The following CACNA1C variants were observed in gnomAD, a reference collection of about 807,000 sequenced individuals.
CACNA1C encodes calcium voltage-gated channel subunit alpha1 C, also known as voltage-dependent L-type calcium channel subunit alpha-1C.
CACNA1C carries 30 observed loss-of-function variants against 229.0 expected under a neutral mutation model. The ratio of observed to expected loss-of-function variants is 0.13; its 90% CI spans 0.10 to 0.18. The LOEUF is 0.18. Among genes scored for constraint, CACNA1C ranks in the 10% least tolerant of loss-of-function variants. The pLI, the probability that CACNA1C is intolerant of heterozygous loss-of-function variation, is 1.00. For synonymous variants in CACNA1C, 1,114 were observed against 1,132.5 expected, an observed-to-expected ratio of 0.98 and a Z score of 0.33; for missense variants, 1,658 against 2,845.0, an observed-to-expected ratio of 0.58 and a Z score of 9.49.
At chr12:2,251,725 T>C (rs1008073738) in intron 3 of CACNA1C, among the ~76,000 whole-genome samples, 16 of 152,350 alleles carry the variant, frequency 1.1e-4, no homozygotes, top group African/African-American at 3.8e-4. Flanking sequence ...CAGAAACAGC[T>C]GCCCTGCAGT....
chr12:2,585,313 C>A lies in CACNA1C; in HGVS notation c.2340-63C>A. ...CAACAGGCCACAGGGCGGTTCCCTC[C>A]TACACTGTTCCCTATCACTCCAGTA... is the stretch of plus-strand genomic sequence containing the variant. On this transcript the variant is annotated intron_variant, in intron 16 of 46. Coordinates refer to ENST00000399655, the MANE Select transcript of CACNA1C (RefSeq NM_000719.7). This position sits in a 1 kb window ranked among gnomAD's most constrained non-coding sequence, Gnocchi z 4.1. 2 of 1,564,966 alleles carry A rather than the reference C, an allele frequency of 1.3e-6. No individual in the cohort carries two copies. The highest frequency in any genetic ancestry group is 1.7e-4 in the Middle Eastern group (1 of 5,794).
chr12:2,495,244 C>T (rs543272830), intron 7 of CACNA1C, among the ~76,000 whole-genome samples: 44 of 152,210 alleles, frequency 2.9e-4, no homozygotes, highest in Non-Finnish European at 4.4e-4. Flanking sequence ...CCCAAGTGGA[C>T]CTAGCTGGTC....
chr12:2,642,833 C>CA (rs2093871763), intron 30 of CACNA1C, among the ~76,000 whole-genome samples: 1 of 152,158 alleles, frequency 6.6e-6, no homozygotes, highest in African/African-American at 2.4e-5. Context: ...CTGTCCTTCC[C>CA]AGGGGAAGAT....
intron 5 of CACNA1C, among the ~76,000 whole-genome samples, chr12:2,484,499 C>G (rs1200143505): frequency 6.6e-6 from 1 of 152,184 alleles, no homozygotes; most frequent in Non-Finnish European, 1.5e-5. Context: ...AAAGTTCCAG[C>G]AGGCCTGAGG....
chr12:2,296,666 G>A (rs1363234161), intron 3 of CACNA1C, among the ~76,000 whole-genome samples: 3 of 152,108 alleles, frequency 2.0e-5, no homozygotes, highest in East Asian at 3.9e-4. Flanking sequence ...ATTCTCTACC[G>A]TAGAGCCAAG....
rs2091325815 is a variant in CACNA1C, at chr12:2,633,235, G to T, written c.3829-1062G>T. On this transcript the variant is annotated intron_variant, in intron 29 of 46. Transcript: ENST00000399655. This position sits in a 1 kb window ranked among gnomAD's most constrained non-coding sequence, Gnocchi z 5.8. Reference sequence around the variant, plus strand: ...CAGACAGGCCCTTCTGCTGGAAGAGGACTGGGGGTGCAGGAGATGCTCAGC... The same window carrying T: ...CAGACAGGCCCTTCTGCTGGAAGAGTACTGGGGGTGCAGGAGATGCTCAGC... 6.6e-6 allele frequency among the ~76,000 whole-genome samples: 1 copy of T among 152,156 alleles called. No individual in the cohort carries two copies. Among genetic ancestry groups the T allele is most frequent in the Non-Finnish European group, 1.5e-5 (1 of 68,044 alleles).
intron 3 of CACNA1C, among the ~76,000 whole-genome samples, chr12:2,284,716 C>T (rs1371522730): frequency 6.6e-6 from 1 of 152,234 alleles, no homozygotes; most frequent in Non-Finnish European, 1.5e-5. Context: ...TGTTCAGTTT[C>T]CTGACTGAGT....
intron 3 of CACNA1C, among the ~76,000 whole-genome samples, chr12:2,374,225 T>G (rs1360834176): frequency 6.6e-6 from 1 of 152,268 alleles, no homozygotes; most frequent in Non-Finnish European, 1.5e-5. Flanking sequence ...GTCCTGTCAT[T>G]CTTCCCTGGT....
intron 3 of CACNA1C, among the ~76,000 whole-genome samples, chr12:2,444,126 T>G (rs188035263): frequency 6.6e-6 from 1 of 152,336 alleles, no homozygotes; most frequent in African/African-American, 2.4e-5. Context: ...ATGAGGATTG[T>G]GAAACCAGCC....
intron 1 of CACNA1C, among the ~76,000 whole-genome samples, chr12:2,087,749 G>A (rs2068270690): frequency 6.6e-6 from 1 of 152,170 alleles, no homozygotes; most frequent in African/African-American, 2.4e-5. Flanking sequence ...CCTGCTGGGT[G>A]GCAGGAGATG....
intron 1 of CACNA1C, among the ~76,000 whole-genome samples, chr12:2,008,519 A>G (rs964537831): frequency 2.5e-4 from 38 of 150,342 alleles, no homozygotes; most frequent in African/African-American, 9.3e-4. Context: ...TACATAATAG[A>G]GATTCAATAA....
chr12:2,410,685 G>A lies in CACNA1C; in HGVS notation c.478-38291G>A, dbSNP rs1317512649. Among the ~76,000 whole-genome samples, 1 of 150,486 alleles carries A rather than the reference G, an allele frequency of 6.6e-6. No homozygotes were observed. Among genetic ancestry groups the A allele is most frequent in the Non-Finnish European group, 1.5e-5 (1 of 67,684 alleles). ...TGTTCCAGGAGCTGACTCTAGCTGT[G>A]AGGATGGCTCGCCTGTGTGTGTGTG... is the stretch of plus-strand genomic sequence containing the variant. On this transcript the variant is annotated intron_variant, in intron 3 of 46. Coordinates refer to ENST00000399655, the MANE Select transcript of CACNA1C (RefSeq NM_000719.7). The surrounding 1 kb of genome is among the most constrained non-coding windows in gnomAD (Gnocchi z 5.3).
At chr12:2,532,575 G>A (rs2099843727) in intron 9 of CACNA1C, among the ~76,000 whole-genome samples, 2 of 152,184 alleles carry the variant, frequency 1.3e-5, no homozygotes, top group Non-Finnish European at 2.9e-5. Context: ...CAGGGCCCAT[G>A]TTCTGGCTGG....
intron 5 of CACNA1C, among the ~76,000 whole-genome samples, chr12:2,458,981 C>CTTTT (rs71057826): frequency 2.2e-3 from 237 of 105,588 alleles, no homozygotes; most frequent in African/African-American, 3.6e-3. Flanking sequence ...CTTTTTCTTT[C>CTTTT]TTTTTTTTTT....
intron 3 of CACNA1C, among the ~76,000 whole-genome samples, chr12:2,316,865 G>A (rs1041288398): frequency 2.6e-5 from 4 of 152,182 alleles, no homozygotes; most frequent in South Asian, 4.2e-4. Context: ...GGGAGAATGC[G>A]GACACTACCG....
At chr12:2,072,740 G>A (rs922414255) in intron 1 of CACNA1C, among the ~76,000 whole-genome samples, 1 of 152,104 alleles carries the variant, frequency 6.6e-6, no homozygotes, top group African/African-American at 2.4e-5. Context: ...ATTAGGTTAG[G>A]TGTATTGGGT....
At chr12:2,659,089 T>C (rs568664453) in intron 34 of CACNA1C, among the ~76,000 whole-genome samples, 1 of 152,310 alleles carries the variant, frequency 6.6e-6, no homozygotes, top group Middle Eastern at 3.4e-3. Context: ...TTATAGTGTT[T>C]CTAGTCTCCA....
chr12:2,681,211 G>A (rs912406289), intron 42 of CACNA1C, among the ~76,000 whole-genome samples: 5 of 152,196 alleles, frequency 3.3e-5, no homozygotes, highest in Non-Finnish European at 7.4e-5. Flanking sequence ...GTGACATAAG[G>A]GGAGAGGGAT....
At chr12:2,584,656 C>A in intron 16 of CACNA1C, 39 bp downstream of exon 16, 2 of 1,363,778 alleles carry the variant, frequency 1.5e-6, no homozygotes, top group Non-Finnish European at 2.1e-6. Context: ...GGCTCCAGGG[C>A]TCCCATTGTG....
Sources: gnomAD v4.1 joint callset for allele counts (sites outside exome capture counted in the v4.1 genomes callset) on GRCh38, gnomAD v4.1.1 for gene constraint, Gnocchi (gnomAD v3.1) non-coding constraint, MANE v1.5 for transcripts, NCBI Gene and HGNC (gene_info 2026-07-23, HGNC 2026-07-21) for gene names.